The following CPPED1 variants were observed in gnomAD, a reference collection of about 807,000 sequenced individuals.
The protein encoded by CPPED1 is serine/threonine-protein phosphatase CPPED1.
CPPED1 carries 28 observed loss-of-function variants against 28.0 expected under a neutral mutation model. The ratio of observed to expected loss-of-function variants is 1.00; its 90% CI spans 0.74 to 1.37. CPPED1 has a LOEUF of 1.37. Among genes scored for constraint, CPPED1 ranks in the 40% most tolerant of loss-of-function variants. The probability of loss-of-function intolerance (pLI) is 0.00; values close to 1 mark genes in which losing one functional copy is unlikely to be tolerated. For missense variants in CPPED1, 504 were observed against 416.5 expected, an observed-to-expected ratio of 1.21 and a Z score of -1.83; for synonymous variants, 198 against 180.2, an observed-to-expected ratio of 1.10 and a Z score of -0.79.
At chr16:12,735,307 T>C (rs182934107) in intron 2 of CPPED1, among the ~76,000 whole-genome samples, 184 of 152,332 alleles carry the variant, frequency 1.2e-3, no homozygotes, top group Admixed American at 0.012. Flanking sequence ...TATATATTTT[T>C]TTTAGATGGA....
chr16:12,727,379 A>G lies in CPPED1; in HGVS notation c.290-22330T>C, dbSNP rs867920170. Among the ~76,000 whole-genome samples the G allele has an allele frequency of 2.6e-5, 4 of 152,166 alleles. 1 individual carries two copies. The highest frequency in any genetic ancestry group is 1.9e-4 in the East Asian group (1 of 5,172). ...TTGTTTCTTTGTTTGTTGAGATACA[A>G]TCTTGCTCTGCTGCCCAGGCTGGAG... is the stretch of plus-strand genomic sequence containing the variant. On this transcript the variant is annotated intron_variant, in intron 2 of 3. Transcript: ENST00000381774.
intron 3 of CPPED1, among the ~76,000 whole-genome samples, chr16:12,681,584 C>T (rs1269379848): frequency 6.6e-6 from 1 of 152,174 alleles, no homozygotes; most frequent in African/African-American, 2.4e-5. Context: ...TTCAAAGCTC[C>T]TCTTAATTAA....
chr16:12,801,974 G>A (rs2080662849), intron 1 of CPPED1, among the ~76,000 whole-genome samples: 1 of 152,102 alleles, frequency 6.6e-6, no homozygotes, highest in South Asian at 2.1e-4. Context: ...GGGTGGGGAG[G>A]AAGACAGCCA....
At chr16:12,697,764 C>A (rs991789557) in intron 3 of CPPED1, among the ~76,000 whole-genome samples, 2 of 152,226 alleles carry the variant, frequency 1.3e-5, no homozygotes, top group South Asian at 4.2e-4. Flanking sequence ...TACTATCTGA[C>A]CCTTTACCGA....
At chr16:12,674,832 C>G (rs1450429441) in intron 3 of CPPED1, among the ~76,000 whole-genome samples, 1 of 152,186 alleles carries the variant, frequency 6.6e-6, no homozygotes, top group Admixed American at 6.5e-5. Flanking sequence ...GGCATTTCCT[C>G]TTTTGTACCA....
At chr16:12,793,758 A>G (rs2080610331) in intron 1 of CPPED1, among the ~76,000 whole-genome samples, 1 of 152,210 alleles carries the variant, frequency 6.6e-6, no homozygotes, top group African/African-American at 2.4e-5. Flanking sequence ...TTCCCACAGC[A>G]CATGGTGGGG....
intron 1 of CPPED1, among the ~76,000 whole-genome samples, chr16:12,782,096 C>T (rs574658004): frequency 3.9e-5 from 6 of 152,098 alleles, no homozygotes; most frequent in Admixed American, 1.3e-4. Flanking sequence ...TCTAGGCCAC[C>T]TGAAATCATT....
At chr16:12,788,980 C>T (rs955598703) in intron 1 of CPPED1, among the ~76,000 whole-genome samples, 3 of 152,222 alleles carry the variant, frequency 2.0e-5, no homozygotes, top group Admixed American at 2.0e-4. Context: ...AGATTACAAA[C>T]TCGACGTCTG....
intron 1 of CPPED1, among the ~76,000 whole-genome samples, chr16:12,784,636 C>T (rs967676758): frequency 2.6e-5 from 4 of 151,182 alleles, no homozygotes; most frequent in African/African-American, 9.7e-5. Context: ...ACCTTTTTTA[C>T]ACCAATGAAT....
At chr16:12,717,060 G>T (rs942107029) in intron 2 of CPPED1, among the ~76,000 whole-genome samples, 2 of 152,152 alleles carry the variant, frequency 1.3e-5, no homozygotes, top group Admixed American at 1.3e-4. Flanking sequence ...AAGAAGGTGG[G>T]GAGGGGGCTT....
intron 3 of CPPED1, among the ~76,000 whole-genome samples, chr16:12,669,901 G>C (rs2079845256): frequency 6.6e-6 from 1 of 152,188 alleles, no homozygotes; most frequent in Non-Finnish European, 1.5e-5. Flanking sequence ...ATGGGGTATG[G>C]CAAATGGACT....
rs772055130 is a variant in CPPED1 at position 12,704,794 on chromosome 16, T to C, written c.545A>G (p.Asp182Gly). The change falls in exon 3 of 4, where the codon GAC becomes GGC. Residue 182 changes from aspartate (D) to glycine (G), a missense_variant. Physicochemically the swap from Asp to Gly is moderately conservative, Grantham distance 94. Transcript: ENST00000381774. Reference sequence around the variant, plus strand: ...GCTCAGCTGCTCGTCCAGCCACTGGTCCTGAGCCTGCTTCAGGCTGGGGCA... The same window carrying C: ...GCTCAGCTGCTCGTCCAGCCACTGGCCCTGAGCCTGCTTCAGGCTGGGGCA... ...SKCPSLKQAQ[D>G]QWLDEQLSIA... is the part of the protein sequence containing the mutation. The C allele has an allele frequency of 6.2e-7, 1 of 1,614,204 alleles. No homozygotes were observed. The highest frequency in any genetic ancestry group is 1.1e-5 in the South Asian group (1 of 91,086).
chr16:12,675,387 A>G (rs1291614955), intron 3 of CPPED1, among the ~76,000 whole-genome samples: 1 of 152,250 alleles, frequency 6.6e-6, no homozygotes, highest in East Asian at 1.9e-4. Flanking sequence ...CTGCATCAAC[A>G]GAGGATGATT....
chr16:12,683,316 T>C (rs1432781635), intron 3 of CPPED1, among the ~76,000 whole-genome samples: 2 of 152,296 alleles, frequency 1.3e-5, no homozygotes, highest in Non-Finnish European at 2.9e-5. Flanking sequence ...TAACAGCTTA[T>C]TCTTCCTGCA....
chr16:12,692,298 A>G (rs958039140), intron 3 of CPPED1, among the ~76,000 whole-genome samples: 2 of 152,342 alleles, frequency 1.3e-5, no homozygotes, highest in African/African-American at 2.4e-5. Context: ...CAGAACAAAC[A>G]CTGCCAGGAA....
chr16:12,708,239 G>A (rs76548269), intron 2 of CPPED1, among the ~76,000 whole-genome samples: 1,950 of 152,200 alleles, frequency 0.013, 44 homozygotes, highest in African/African-American at 0.044. Flanking sequence ...CTCTTGCATG[G>A]AGTCACAGGT....
intron 2 of CPPED1, among the ~76,000 whole-genome samples, chr16:12,737,215 A>T (rs111476847): frequency 0.043 from 6,493 of 152,078 alleles, 421 homozygotes; most frequent in African/African-American, 0.15. Context: ...ATAATAATAA[A>T]AAAAATCAGA....
At chr16:12,666,881 T>C (rs2079828558) in intron 3 of CPPED1, among the ~76,000 whole-genome samples, 1 of 152,182 alleles carries the variant, frequency 6.6e-6, no homozygotes. Context: ...AATGTAATGA[T>C]TGGTCCTAAT....
In CPPED1 at chr16:12,745,147, A is replaced by C. The variant is rs938025259; in HGVS notation, c.289+36038T>G. Among the ~76,000 whole-genome samples the C allele has an allele frequency of 3.3e-5, 5 of 152,226 alleles. No homozygotes were observed. In the Middle Eastern group the frequency reaches 0.01, roughly 311 times the overall value. On this transcript the variant is annotated intron_variant, in intron 2 of 3. Coordinates refer to ENST00000381774, the MANE Select transcript of CPPED1 (RefSeq NM_018340.3). ...GCTGTGGGACAACTTCAAGCAGGCTAATAAGTGTGCAACAGAAATCCCTCA... is the reference window on the plus strand; with the variant it reads ...GCTGTGGGACAACTTCAAGCAGGCTCATAAGTGTGCAACAGAAATCCCTCA...
Sources: gnomAD v4.1 joint callset for allele counts (sites outside exome capture counted in the v4.1 genomes callset) on GRCh38, gnomAD v4.1.1 for gene constraint, MANE v1.5 for transcripts, NCBI Gene and HGNC (gene_info 2026-07-23, HGNC 2026-07-21) for gene names.